The following SMURF1 variants were observed in gnomAD, a reference collection of about 807,000 sequenced individuals.
SMURF1 encodes the protein E3 ubiquitin-protein ligase SMURF1.
A neutral mutation model predicts 98.0 loss-of-function variants in SMURF1; 44 were observed. That is an observed-to-expected ratio of 0.45 (90% CI 0.35 to 0.58). SMURF1 has a LOEUF of 0.58. SMURF1 is among the 20% of genes least tolerant of loss of function. The pLI is 0.00. For synonymous variants in SMURF1, 396 were observed against 374.9 expected, an observed-to-expected ratio of 1.06 and a Z score of -0.65; for missense variants, 687 against 938.4, an observed-to-expected ratio of 0.73 and a Z score of 3.50.
chr7:99,142,122 G>A (rs1244060472), intron 1 of SMURF1, among the ~76,000 whole-genome samples: 6 of 152,208 alleles, frequency 3.9e-5, no homozygotes, highest in African/African-American at 1.2e-4. Flanking sequence ...GGGGAAACAG[G>A]TTGGCATCAC....
At chr7:99,137,538 G>A (rs1798019563) in intron 1 of SMURF1, among the ~76,000 whole-genome samples, 1 of 152,298 alleles carries the variant, frequency 6.6e-6, no homozygotes, top group South Asian at 2.1e-4. Context: ...CTGCAGCTTC[G>A]TGACATGCTC....
intron 10 of SMURF1, among the ~76,000 whole-genome samples, chr7:99,047,196 C>T (rs781384065): frequency 1.3e-5 from 2 of 152,218 alleles, no homozygotes; most frequent in Non-Finnish European, 2.9e-5. Flanking sequence ...ACAGGAGAAG[C>T]AGGATGGCCC....
chr7:99,112,497 C>T (rs1187307279), intron 1 of SMURF1, among the ~76,000 whole-genome samples: 9 of 152,136 alleles, frequency 5.9e-5, no homozygotes, highest in Admixed American at 5.2e-4. Flanking sequence ...ATAGCTATAA[C>T]AAGCAGCAAC....
At chr7:99,095,143 G>C (rs533320528) in intron 1 of SMURF1, among the ~76,000 whole-genome samples, 1 of 152,070 alleles carries the variant, frequency 6.6e-6, no homozygotes, top group African/African-American at 2.4e-5. Context: ...GCAATGGCGC[G>C]ATCTCGGCTC....
intron 1 of SMURF1, among the ~76,000 whole-genome samples, chr7:99,072,549 A>G (rs1485823092): frequency 6.6e-6 from 1 of 152,242 alleles, no homozygotes; most frequent in Non-Finnish European, 1.5e-5. Flanking sequence ...AGGTTGAGGC[A>G]GAAGAATCAC....
intron 1 of SMURF1, among the ~76,000 whole-genome samples, chr7:99,139,187 A>T (rs1289804698): frequency 6.6e-6 from 1 of 152,222 alleles, no homozygotes; most frequent in Non-Finnish European, 1.5e-5. Flanking sequence ...AACCAACATC[A>T]TCAACAGCTA....
At chr7:99,061,424 T>C (rs1268427050) in intron 2 of SMURF1, among the ~76,000 whole-genome samples, 5 of 152,242 alleles carry the variant, frequency 3.3e-5, no homozygotes, top group Non-Finnish European at 7.3e-5. Context: ...TGTGATTTAA[T>C]TTATAAAATC....
intron 17 of SMURF1, among the ~76,000 whole-genome samples, chr7:99,032,624 G>A (rs901558449): frequency 5.3e-5 from 8 of 152,210 alleles, no homozygotes; most frequent in South Asian, 2.1e-4. Flanking sequence ...AGCCGAGATC[G>A]TGCCACTGCA....
chr7:99,070,154 C>A (rs916049099), intron 1 of SMURF1, among the ~76,000 whole-genome samples: 2 of 152,094 alleles, frequency 1.3e-5, no homozygotes, highest in Non-Finnish European at 2.9e-5. Context: ...CAGATCATAC[C>A]CCAAACGTGG....
intron 3 of SMURF1, among the ~76,000 whole-genome samples, chr7:99,059,361 G>A (rs1795964049): frequency 7.0e-6 from 1 of 143,616 alleles, no homozygotes; most frequent in South Asian, 2.2e-4. Context: ...TCCCGCCACT[G>A]CACTCCAGCC....
chr7:99,032,961 C>A lies in SMURF1; in HGVS notation c.2096+76G>T, dbSNP rs1184093319. ...GCAGAGACTCCATCTCAAAAAAAAA[C>A]AACAAAAAAAAAACGTGAACGTCAG... is the stretch of plus-strand genomic sequence containing the variant. On this transcript the variant is annotated intron_variant, in intron 17 of 17. Coordinates refer to ENST00000361368, the MANE Select transcript of SMURF1 (RefSeq NM_181349.3). 36 of 1,466,758 alleles carry A rather than the reference C, an allele frequency of 2.5e-5. No homozygotes were observed. The Admixed American group carries it at 4.2e-4, about 17-fold the overall frequency. 90.9% of individuals were successfully genotyped at this position (1,466,758 alleles called of 1,614,324 possible).
chr7:99,078,488 C>T (rs9691336), intron 1 of SMURF1, among the ~76,000 whole-genome samples: 8,882 of 152,094 alleles, frequency 0.058, 834 homozygotes, highest in African/African-American at 0.2. Context: ...ATCCTTAAAA[C>T]AGGGGTCCTC....
At chr7:99,082,550 C>T (rs1158872810) in intron 1 of SMURF1, among the ~76,000 whole-genome samples, 4 of 152,132 alleles carry the variant, frequency 2.6e-5, no homozygotes, top group African/African-American at 4.8e-5. Context: ...TTCTGGATTC[C>T]GAAGTCTATT....
chr7:99,086,696 C>T (rs919380070), intron 1 of SMURF1, among the ~76,000 whole-genome samples: 7 of 152,036 alleles, frequency 4.6e-5, no homozygotes, highest in East Asian at 1.9e-4. Flanking sequence ...ATAAACAAAC[C>T]GCAGCAAATC....
intron 1 of SMURF1, among the ~76,000 whole-genome samples, chr7:99,069,173 A>C (rs1048245497): frequency 1.2e-4 from 18 of 152,194 alleles, no homozygotes; most frequent in Admixed American, 7.2e-4. Flanking sequence ...TATTATACTG[A>C]TCCCCACATG....
intron 1 of SMURF1, among the ~76,000 whole-genome samples, chr7:99,076,102 C>T (rs922763486): frequency 3.9e-5 from 6 of 152,108 alleles, no homozygotes; most frequent in African/African-American, 1.4e-4. Context: ...GATGGGGTCT[C>T]GCAATGTTGC....
rs1794747420 is a variant in SMURF1, at chr7:99,027,908, T to C, written c.*2676A>G. On this transcript the variant is annotated 3_prime_UTR_variant, in exon 18 of 18. Transcript: ENST00000361368. ...CCATACGTCCGAACAAGCTCAGGGG[T>C]CGAAATTCGATCTGGTGGCAGATTC... 2.0e-5 allele frequency: 3 copies of C among 152,052 alleles called. No individual in the cohort carries two copies. In the Admixed American group the frequency reaches 2.0e-4, roughly 10 times the overall value. The allele number at this position is 152,052 out of a possible 1,614,324, so 9.4% of individuals were successfully genotyped here.
intron 1 of SMURF1, among the ~76,000 whole-genome samples, chr7:99,119,335 A>G (rs1426779681): frequency 6.6e-6 from 1 of 152,094 alleles, no homozygotes; most frequent in African/African-American, 2.4e-5. Context: ...TTTAAATATT[A>G]CACTGTGTAT....
rs921073338 is a variant in SMURF1 at position 99,122,337 on chromosome 7, AAAG to A, written c.55+21386_55+21388del. 4.4e-3 allele frequency among the ~76,000 whole-genome samples: 657 copies of A among 148,008 alleles called. 9 individuals are homozygous for A. The highest frequency in any genetic ancestry group is 0.016 in the African/African-American group (617 of 39,692). ...AGTGAGACTCTGTCTCAAAAAAAAA[AAAG>A]AAGAAGAAGAAGAAAAAAAAAGGCC... On this transcript the variant is annotated intron_variant, in intron 1 of 17. Transcript: ENST00000361368.
Sources: allele counts gnomAD v4.1 joint callset (sites outside exome capture counted in the v4.1 genomes callset), GRCh38; gene constraint gnomAD v4.1.1; transcripts MANE v1.5; gene names NCBI Gene and HGNC (gene_info 2026-07-23, HGNC 2026-07-21).